Variants in TSPEAR observed in about 807,000 individuals in gnomAD.
The protein encoded by TSPEAR is thrombospondin-type laminin G domain and EAR repeat-containing protein.
In TSPEAR, 69 loss-of-function variants were observed where a neutral mutation model predicts 71.6. The ratio of observed to expected loss-of-function variants is 0.96; its 90% confidence interval spans 0.79 to 1.18. The LOEUF (loss-of-function observed/expected upper bound fraction) is 1.18. Ranked by LOEUF, TSPEAR falls within the 50% of genes most tolerant of loss-of-function variation. The pLI is 0.00. For synonymous variants in TSPEAR, 402 were observed against 387.2 expected, an observed-to-expected ratio of 1.04 and a Z score of -0.45; for missense variants, 971 against 894.9, an observed-to-expected ratio of 1.09 and a Z score of -1.09.
intron 1 of TSPEAR, among the ~76,000 whole-genome samples, chr21:44,621,609 G>A (rs1982438980): frequency 6.6e-6 from 1 of 152,148 alleles, no homozygotes; most frequent in Admixed American, 6.5e-5. Flanking sequence ...CTCACTAGAA[G>A]CCAATACTTC....
chr21:44,534,825 C>T (rs1380237530), intron 2 of TSPEAR, among the ~76,000 whole-genome samples: 2 of 152,222 alleles, frequency 1.3e-5, no homozygotes, highest in Non-Finnish European at 2.9e-5. Context: ...CTTGTACACA[C>T]ATGTTCATAG....
In TSPEAR at chr21:44,694,488, A is replaced by AGTC. The variant is rs1397841687; in HGVS notation, c.82+16944_82+16945insGAC. On this transcript the variant is annotated intron_variant, in intron 1 of 11. Transcript: ENST00000323084. ...AGAAGAAACAGTCCTAGAGGTGAAC[A>AGTC]GTGGTGGTGGTTGCACAGCACTGTG... Among the ~76,000 whole-genome samples the AGTC allele has an allele frequency of 3.3e-5, 5 of 152,230 alleles. No homozygotes were observed. The East Asian group carries it at 9.6e-4, about 29-fold the overall frequency.
At chr21:44,697,102 CCAGA>C (rs1202972245) in intron 1 of TSPEAR, 2 of 1,552,510 alleles carry the variant, frequency 1.3e-6, no homozygotes, top group Non-Finnish European at 1.7e-6. Flanking sequence ...CATCCAGCAC[CCAGA>C]CACTCACTCA....
At position 44,645,208 on chromosome 21, in the gene TSPEAR, A is replaced by G. The variant is rs587763082; in HGVS notation, c.82+66225T>C. On this transcript the variant is annotated intron_variant, in intron 1 of 11. Transcript: ENST00000323084. ...CCAAGGCAAAATGAAAATTGAAATA[A>G]TCCAGAGTGCAGCTTCAAATAAAAC... Among the ~76,000 whole-genome samples, 10 of 152,352 alleles carry G rather than the reference A, an allele frequency of 6.6e-5. No individual in the cohort carries two copies. In the South Asian group the frequency reaches 2.1e-3, roughly 32 times the overall value.
At chr21:44,522,431 A>G (rs1383676956) in intron 8 of TSPEAR, among the ~76,000 whole-genome samples, 1 of 152,184 alleles carries the variant, frequency 6.6e-6, no homozygotes, top group Non-Finnish European at 1.5e-5. Context: ...CCCGCTGCCC[A>G]CGGCTCTCCA....
intron 1 of TSPEAR, among the ~76,000 whole-genome samples, chr21:44,699,789 G>A (rs782302748): frequency 3.9e-5 from 6 of 152,152 alleles, no homozygotes; most frequent in Non-Finnish European, 7.4e-5. Flanking sequence ...CGCTTACGGC[G>A]GCCTCCAGGT....
rs151086833 is a variant in TSPEAR, at chr21:44,534,988, C to T, written c.304-1065G>A. 1.8e-4 allele frequency among the ~76,000 whole-genome samples: 27 copies of T among 152,180 alleles called. No homozygotes were observed. The East Asian group carries it at 2.7e-3, about 15-fold the overall frequency. ...GACACATGCTGCAACATGGATGAAC[C>T]TTGGGGATGTTCCACTTATATGAGG... is the stretch of plus-strand genomic sequence containing the variant. On this transcript the variant is annotated intron_variant, in intron 2 of 11. Transcript: ENST00000323084.
intron 6 of TSPEAR, among the ~76,000 whole-genome samples, chr21:44,527,864 C>T (rs185345401): frequency 4.6e-5 from 7 of 152,330 alleles, no homozygotes; most frequent in Non-Finnish European, 7.3e-5. Context: ...CCATTTCCCA[C>T]GGGTAACCTG....
In TSPEAR at chr21:44,498,407, G is replaced by C. The variant is rs1402752830; in HGVS notation, c.*1376C>G. 1 of 152,268 alleles carries C rather than the reference G, an allele frequency of 6.6e-6. No individual in the cohort carries two copies. The allele number at this position is 152,268 out of a possible 1,614,324, so 9.4% of individuals were successfully genotyped here. A position where few individuals can be genotyped will look rare whatever the true frequency, so the allele number is the denominator to read the frequency against. The stretch of plus-strand genomic sequence containing the variant: ...ACGCTTGGGAAAGCCTTGCTGGCTG[G>C]ACGGAGGGGAAGGAGGCTCTCGGCG... On this transcript the variant is annotated 3_prime_UTR_variant, in exon 12 of 12. Coordinates refer to ENST00000323084, the MANE Select transcript of TSPEAR (RefSeq NM_144991.3).
rs2052584499 is a variant in TSPEAR, at chr21:44,516,734, C to T, written c.1566+5149G>A. Among the ~76,000 whole-genome samples the T allele has an allele frequency of 3.9e-5, 6 of 152,252 alleles. No individual in the cohort carries two copies. In the South Asian group the frequency reaches 1.2e-3, roughly 32 times the overall value. ...AACTGTGCCATCCCTGGGGCAGTCCCCCATGCCAGGCAAACATTCTCCTTT... is the reference window on the plus strand; with the variant it reads ...AACTGTGCCATCCCTGGGGCAGTCCTCCATGCCAGGCAAACATTCTCCTTT... On this transcript the variant is annotated intron_variant, in intron 9 of 11. Coordinates refer to ENST00000323084, the MANE Select transcript of TSPEAR (RefSeq NM_144991.3).
chr21:44,685,447 G>A (rs1417385231), intron 1 of TSPEAR, among the ~76,000 whole-genome samples: 1 of 152,008 alleles, frequency 6.6e-6, no homozygotes, highest in Non-Finnish European at 1.5e-5. Context: ...CCTCTGCAGG[G>A]GTGAGACTGA....
At chr21:44,637,402 G>A (rs201689516) in intron 1 of TSPEAR, 13 of 1,589,126 alleles carry the variant, frequency 8.2e-6, no homozygotes, top group South Asian at 7.0e-5. Context: ...CCAGCTCACC[G>A]CCTCCCCACT....
At position 44,689,712 on chromosome 21, in the gene TSPEAR, A is replaced by AATGAATATATAT. The variant is rs781858508; in HGVS notation, c.82+21720_82+21721insATATATATTCAT. Among the ~76,000 whole-genome samples, 117 of 62,048 alleles carry AATGAATATATAT rather than the reference A, an allele frequency of 1.9e-3. 6 individuals carry two copies. Among genetic ancestry groups the AATGAATATATAT allele is most frequent in the South Asian group, 4.6e-3 (7 of 1,532 alleles). 40.7% of individuals were successfully genotyped at this position (62,048 alleles called of 152,430 possible). A position where few individuals can be genotyped will look rare whatever the true frequency, so the allele number is the denominator to read the frequency against. On this transcript the variant is annotated intron_variant, in intron 1 of 11. Transcript: ENST00000323084. The stretch of plus-strand genomic sequence containing the variant: ...TCCCTTAGAGGGACAGAATAGAATG[A>AATGAATATATAT]ATATATATATATATATATATATATA...
At chr21:44,518,713 CCTACGTCTT>C (rs1569159915) in intron 9 of TSPEAR, 1 of 470,508 alleles carries the variant, frequency 2.1e-6, no homozygotes, top group Non-Finnish European at 4.4e-6. Context: ...GAAGTGACTG[CCTACGTCTT>C]CTTTCAGGAT....
chr21:44,694,609 T>C (rs547171710), intron 1 of TSPEAR, among the ~76,000 whole-genome samples: 41 of 152,306 alleles, frequency 2.7e-4, no homozygotes, highest in African/African-American at 8.9e-4. Flanking sequence ...AAGATAAAAA[T>C]AGTTGGCTAT....
intron 2 of TSPEAR, among the ~76,000 whole-genome samples, chr21:44,549,268 GA>G (rs1175881784): frequency 3.9e-5 from 6 of 152,172 alleles, no homozygotes; most frequent in African/African-American, 1.4e-4. Flanking sequence ...AAAGCAGAAG[GA>G]AAGAAGAAGA....
chr21:44,567,773 A>C lies in TSPEAR; in HGVS notation c.303+12T>G. 1 of 1,545,268 alleles carries C rather than the reference A, an allele frequency of 6.5e-7. No individual in the cohort carries two copies. Among genetic ancestry groups the C allele is most frequent in the Non-Finnish European group, 8.8e-7 (1 of 1,142,030 alleles). ...CGCTATTATAACACGAAGTGCAGAA[A>C]GTGCCACTGACCTTGGGTGGAAGAT... On this transcript the variant is annotated intron_variant, in intron 2 of 11. Coordinates refer to ENST00000323084, the MANE Select transcript of TSPEAR (RefSeq NM_144991.3).
In TSPEAR at chr21:44,579,512, C is replaced by T. The variant is rs147713508; in HGVS notation, c.83-11507G>A. On this transcript the variant is annotated intron_variant, in intron 1 of 11. Transcript: ENST00000323084. ...GGAGGAGGTGCTGACAGGTTCAAGT[C>T]GAGGCCAAGTGACATGGGGCAGAGA... is the stretch of plus-strand genomic sequence containing the variant. 1.9e-3 allele frequency: 1,091 copies of T among 584,880 alleles called. 15 individuals carry two copies. Among genetic ancestry groups the T allele is most frequent in the African/African-American group, 0.017 (918 of 53,596 alleles). The allele number at this position is 584,880 out of a possible 1,614,324, so 36.2% of individuals were successfully genotyped here. A position where few individuals can be genotyped will look rare whatever the true frequency, so the allele number is the denominator to read the frequency against.
At chr21:44,643,105 T>C (rs587746390) in intron 1 of TSPEAR, among the ~76,000 whole-genome samples, 9 of 152,364 alleles carry the variant, frequency 5.9e-5, no homozygotes, top group African/African-American at 1.7e-4. Context: ...TCCTGTCATC[T>C]GTGACAACAT....
Sources: gnomAD v4.1 joint callset for allele counts (sites outside exome capture counted in the v4.1 genomes callset) on GRCh38, gnomAD v4.1.1 for gene constraint, MANE v1.5 for transcripts, NCBI Gene and HGNC (gene_info 2026-07-23, HGNC 2026-07-21) for gene names.